Variants in CYB5D2 observed in about 807,000 individuals in gnomAD.
CYB5D2 encodes the protein neuferricin.
A neutral mutation model predicts 22.8 loss-of-function variants in CYB5D2; 23 were observed. That is an observed-to-expected ratio of 1.01 (90% CI 0.73 to 1.43). CYB5D2 has a LOEUF of 1.43. Ranked by LOEUF, CYB5D2 falls within the 40% of genes most tolerant of loss-of-function variation. The pLI is 0.00. For missense variants in CYB5D2, 373 were observed against 357.2 expected (o/e 1.04, Z -0.36); for synonymous variants, 170 against 152.2 (o/e 1.12, Z -0.86).
chr17:4,148,748 C>T (rs537637314), intron 1 of CYB5D2, among the ~76,000 whole-genome samples: 2 of 152,056 alleles, frequency 1.3e-5, no homozygotes, highest in Non-Finnish European at 2.9e-5. Flanking sequence ...CGCTTGAACC[C>T]GTGAGGCAGA....
At chr17:4,144,189 A>C (rs573547500) in intron 1 of CYB5D2, among the ~76,000 whole-genome samples, 184 bp downstream of exon 1, 24 of 151,398 alleles carry the variant, frequency 1.6e-4, no homozygotes, top group African/African-American at 5.8e-4. Flanking sequence ...CTCTGGCGGG[A>C]CTGTGGGCCA....
intron 1 of CYB5D2, among the ~76,000 whole-genome samples, chr17:4,147,470 G>A (rs2059005045): frequency 6.6e-6 from 1 of 152,174 alleles, no homozygotes; most frequent in South Asian, 2.1e-4. Context: ...TTATTTTTGT[G>A]AAAAGTGTTA....
chr17:4,157,397 A>G lies in CYB5D2; in HGVS notation c.*315A>G. 2.3e-6 allele frequency: 1 copy of G among 434,034 alleles called. No individual in the cohort carries two copies. Among genetic ancestry groups the G allele is most frequent in the Non-Finnish European group, 4.3e-6 (1 of 234,930 alleles). The allele number at this position is 434,034 out of a possible 1,614,324, so 26.9% of individuals were successfully genotyped here. ...CAACTCAATTTCCACTTGAATTTACAACCAAAAGCCTGCTGAGTTGATTAC... is the reference window on the plus strand; with the variant it reads ...CAACTCAATTTCCACTTGAATTTACGACCAAAAGCCTGCTGAGTTGATTAC... On this transcript the variant is annotated 3_prime_UTR_variant, in exon 4 of 4. Transcript: ENST00000301391. This position sits in a 1 kb window ranked among gnomAD's most constrained non-coding sequence, Gnocchi z 4.4.
chr17:4,143,558 G>T lies in CYB5D2; in HGVS notation c.-198G>T. ...AAAAAAAAAAAAGTACCTGGAAAAA[G>T]TCGCAGACAGCGAGCTTTTCGCCAG... is the stretch of plus-strand genomic sequence containing the variant. On this transcript the variant is annotated 5_prime_UTR_variant, in exon 1 of 4. Coordinates refer to ENST00000301391, the MANE Select transcript of CYB5D2 (RefSeq NM_144611.4). 2 of 630,794 alleles carry T rather than the reference G, an allele frequency of 3.2e-6. No homozygotes were observed. The highest frequency in any genetic ancestry group is 5.1e-6 in the Non-Finnish European group (2 of 394,872). 39.1% of individuals were successfully genotyped at this position (630,794 alleles called of 1,614,324 possible). A position where few individuals can be genotyped will look rare whatever the true frequency, so the allele number is the denominator to read the frequency against.
Position 4,157,125 on chromosome 17 carries a change from A to G in CYB5D2, c.*43A>G. The G allele has an allele frequency of 2.5e-6, 4 of 1,600,548 alleles. No individual in the cohort carries two copies. Among genetic ancestry groups the G allele is most frequent in the Non-Finnish European group, 3.4e-6 (4 of 1,173,230 alleles). On this transcript the variant is annotated 3_prime_UTR_variant, in exon 4 of 4. Transcript: ENST00000301391. The surrounding 1 kb of genome is among the most constrained non-coding windows in gnomAD (Gnocchi z 4.4). ...TAATAACACACAGAGAGCTCTGCCAAGCACCTGAGTAGGCCCTTGACACTT... is the reference window on the plus strand; with the variant it reads ...TAATAACACACAGAGAGCTCTGCCAGGCACCTGAGTAGGCCCTTGACACTT...
chr17:4,143,494 C>G lies in CYB5D2; in HGVS notation c.-262C>G, dbSNP rs2075180483. 5 of 339,376 alleles carry G rather than the reference C, an allele frequency of 1.5e-5. No individual in the cohort carries two copies. Among genetic ancestry groups the G allele is most frequent in the Non-Finnish European group, 1.6e-5 (3 of 187,360 alleles). The allele number at this position is 339,376 out of a possible 1,614,324, so 21.0% of individuals were successfully genotyped here. ...TGAGCCGAGATTCCGCCAGTGCACT[C>G]CAGCCTGGACAACAAGAGCTAAAAC... is the stretch of plus-strand genomic sequence containing the variant. On this transcript the variant is annotated 5_prime_UTR_variant, in exon 1 of 4. Coordinates refer to ENST00000301391, the MANE Select transcript of CYB5D2 (RefSeq NM_144611.4).
intron 1 of CYB5D2, among the ~76,000 whole-genome samples, chr17:4,149,452 G>C (rs1444612474): frequency 6.6e-6 from 1 of 152,214 alleles, no homozygotes; most frequent in Non-Finnish European, 1.5e-5. Context: ...CAGAGGAGGT[G>C]GTGGGGACCC....
intron 2 of CYB5D2, among the ~76,000 whole-genome samples, chr17:4,153,324 CG>C (rs897903831): frequency 2.2e-4 from 33 of 150,942 alleles, no homozygotes; most frequent in Admixed American, 6.6e-4. Flanking sequence ...CAGGGAAGAG[CG>C]GTGCGAAGGT....
At chr17:4,148,386 G>A (rs1227100125) in intron 1 of CYB5D2, among the ~76,000 whole-genome samples, 4 of 151,904 alleles carry the variant, frequency 2.6e-5, no homozygotes, top group African/African-American at 7.3e-5. Flanking sequence ...ACGTGGTGGC[G>A]GGCACCTGTA....
At position 4,157,309 on chromosome 17, in the gene CYB5D2, T is replaced by G. The variant is rs2059123196; in HGVS notation, c.*227T>G. 1 of 577,802 alleles carries G rather than the reference T, an allele frequency of 1.7e-6. No homozygotes were observed. The allele number at this position is 577,802 out of a possible 1,614,324, so 35.8% of individuals were successfully genotyped here. On this transcript the variant is annotated 3_prime_UTR_variant, in exon 4 of 4. Coordinates refer to ENST00000301391, the MANE Select transcript of CYB5D2 (RefSeq NM_144611.4). This position sits in a 1 kb window ranked among gnomAD's most constrained non-coding sequence, Gnocchi z 4.4. ...AGTACTGGTCAGCTTTTCAACACTA[T>G]TCCCTTTGACCTACTGGCCATCTTC...
At chr17:4,144,390 A>G (rs1366882668) in intron 1 of CYB5D2, among the ~76,000 whole-genome samples, 1 of 151,476 alleles carries the variant, frequency 6.6e-6, no homozygotes, top group Non-Finnish European at 1.5e-5. Context: ...AATAATTCCA[A>G]CCATCTCTTC....
chr17:4,151,707 AAAAG>A (rs1272897103), intron 2 of CYB5D2, among the ~76,000 whole-genome samples: 2 of 151,838 alleles, frequency 1.3e-5, no homozygotes, highest in East Asian at 1.9e-4. Context: ...AAAAAAAAGA[AAAAG>A]AATAAGAATG....
At position 4,150,021 on chromosome 17, in the gene CYB5D2, T is replaced by C. The variant is rs1335787834; in HGVS notation, c.381T>C (p.Tyr127=). 1.2e-6 allele frequency: 2 copies of C among 1,614,052 alleles called. No homozygotes were observed. Among genetic ancestry groups the C allele is most frequent in the Admixed American group, 1.7e-5 (1 of 60,012 alleles). ...GGCTTTCATTCTATGAGAAGAATTA[T>C]GTGTGTGTTGGTAAGTCGTCCATAG... ...HNWLSFYEKN[Y]VCVGRVTGRF... is the part of the protein sequence containing the mutation. The change falls in exon 2 of 4, where the codon TAT becomes TAC. Residue 127 remains tyrosine, a synonymous_variant. Coordinates refer to ENST00000301391, the MANE Select transcript of CYB5D2 (RefSeq NM_144611.4).
At position 4,143,739 on chromosome 17, in the gene CYB5D2, C is replaced by A; in HGVS notation, c.-17C>A. The A allele has an allele frequency of 6.3e-7, 1 of 1,592,446 alleles. No homozygotes were observed. The highest frequency in any genetic ancestry group is 2.3e-5 in the East Asian group (1 of 44,364). On this transcript the variant is annotated 5_prime_UTR_variant, in exon 1 of 4. Coordinates refer to ENST00000301391, the MANE Select transcript of CYB5D2 (RefSeq NM_144611.4). ...AGGCGGCAACCTCGGAAGTGCGGAG[C>A]GGGTGGGCCTATATAGATGTTGAGG...
At chr17:4,152,283 G>T (rs962820967) in intron 2 of CYB5D2, among the ~76,000 whole-genome samples, 25 of 152,188 alleles carry the variant, frequency 1.6e-4, no homozygotes, top group African/African-American at 5.3e-4. Context: ...GATGAATTGA[G>T]TCCAGTTCCT....
intron 1 of CYB5D2, among the ~76,000 whole-genome samples, chr17:4,148,532 A>G (rs2059018254): frequency 7.2e-6 from 1 of 139,154 alleles, no homozygotes; most frequent in South Asian, 2.3e-4. Context: ...AAAAAAAAAA[A>G]AAAAATGGGG....
intron 2 of CYB5D2, chr17:4,151,016 G>A (rs1052061806): frequency 6.6e-5 from 10 of 152,290 alleles, no homozygotes; most frequent in Admixed American, 4.6e-4. Context: ...CTTCACCATC[G>A]AAACAGGTCT....
In CYB5D2 at chr17:4,143,839, G is replaced by A. The variant is rs770794938; in HGVS notation, c.84G>A (p.Trp28Ter). Residue 28 changes from tryptophan (W) to a stop codon, truncating the protein, a stop_gained, in exon 1 of 4, where the codon TGG (tryptophan) becomes TGA (stop). Coordinates refer to ENST00000301391, the MANE Select transcript of CYB5D2 (RefSeq NM_144611.4). LOFTEE classifies it high-confidence loss of function. ...TAATGGCAGCACGGCTTATGGGCTG[G>A]TGGGGTCCCCGCGCTGGCTTTCGCC... The part of the protein sequence containing the change: ...AAVMAARLMG[W>*]WGPRAGFRLF... The A allele has an allele frequency of 5.0e-6, 8 of 1,614,168 alleles. No individual in the cohort carries two copies. Among genetic ancestry groups the A allele is most frequent in the South Asian group, 3.3e-5 (3 of 91,090 alleles).
chr17:4,157,658 TTA>T lies in CYB5D2; in HGVS notation c.*577_*578del, dbSNP rs2059125874. ...TTCCCAGCTCTAACAAGGTAACTGG[TTA>T]GCATGACATTAAAGCTTGGGCAAGG... is the stretch of plus-strand genomic sequence containing the variant. On this transcript the variant is annotated 3_prime_UTR_variant, in exon 4 of 4. Coordinates refer to ENST00000301391, the MANE Select transcript of CYB5D2 (RefSeq NM_144611.4). The surrounding 1 kb of genome is among the most constrained non-coding windows in gnomAD (Gnocchi z 4.4). The T allele has an allele frequency of 6.4e-6, 1 of 156,334 alleles. No homozygotes were observed. The highest frequency in any genetic ancestry group is 1.4e-5 in the Non-Finnish European group (1 of 71,026). 9.7% of individuals were successfully genotyped at this position (156,334 alleles called of 1,614,324 possible).
Sources: allele counts gnomAD v4.1 joint callset (sites outside exome capture counted in the v4.1 genomes callset), GRCh38; gene constraint gnomAD v4.1.1; non-coding constraint Gnocchi (gnomAD v3.1); transcripts MANE v1.5; gene names NCBI Gene and HGNC (gene_info 2026-07-23, HGNC 2026-07-21).